Variants in FAM20A observed in about 807,000 individuals in gnomAD.
FAM20A encodes the protein FAM20A golgi associated secretory pathway pseudokinase.
In FAM20A, 42 loss-of-function variants were observed where a neutral mutation model predicts 52.0. The observed-to-expected ratio is 0.81, with a 90% CI of 0.63 to 1.04. FAM20A has a LOEUF of 1.04. FAM20A is among the 50% of genes least tolerant of loss of function. The probability of loss-of-function intolerance (pLI) is 0.00; values close to 1 mark genes in which losing one functional copy is unlikely to be tolerated. For missense variants in FAM20A, 742 were observed against 712.7 expected (o/e 1.04, Z -0.47); for synonymous variants, 304 against 298.9 (o/e 1.02, Z -0.18).
intron 1 of FAM20A, among the ~76,000 whole-genome samples, chr17:68,575,791 T>TATACACACACAC: frequency 9.6e-6 from 1 of 104,216 alleles, no homozygotes; most frequent in Non-Finnish European, 1.8e-5. Context: ...TTTTATATTA[T>TATACACACACAC]ACACACACAC....
At position 68,554,836 on chromosome 17, in the gene FAM20A, G is replaced by T. The variant is rs2087009299; in HGVS notation, c.590-9C>A. The T allele has an allele frequency of 6.2e-7, 1 of 1,614,094 alleles. No homozygotes were observed. The highest frequency in any genetic ancestry group is 1.3e-5 in the African/African-American group (1 of 75,028). Reference sequence around the variant, plus strand: ...CTCATCTTGACTGTAATCTGCAAAGGAGGAGAAGGGCAATGAGAACTTCCA... The same window carrying T: ...CTCATCTTGACTGTAATCTGCAAAGTAGGAGAAGGGCAATGAGAACTTCCA... On this transcript the variant is annotated splice_polypyrimidine_tract_variant and intron_variant, in intron 2 of 10. Transcript: ENST00000592554.
intron 1 of FAM20A, among the ~76,000 whole-genome samples, chr17:68,571,989 T>TACATATATATATATATA (rs1320410658): frequency 2.9e-4 from 2 of 6,956 alleles, no homozygotes; most frequent in African/African-American, 1.3e-3. Flanking sequence ...TATACATACA[T>TACATATATATATATATA]ATATATATAT....
intron 1 of FAM20A, among the ~76,000 whole-genome samples, chr17:68,558,625 C>G (rs1312566420): frequency 6.6e-6 from 1 of 152,248 alleles, no homozygotes; most frequent in Non-Finnish European, 1.5e-5. Flanking sequence ...GAGGCCCTCA[C>G]CAGAAGCAGC....
At chr17:68,579,197 G>A (rs914117165) in intron 1 of FAM20A, among the ~76,000 whole-genome samples, 3 of 152,144 alleles carry the variant, frequency 2.0e-5, no homozygotes, top group African/African-American at 7.2e-5. Context: ...GTGATCCAAT[G>A]TGCTGGGGAA....
chr17:68,537,284 C>A lies in FAM20A; in HGVS notation c.*193G>T. ...GGGAAAAACGGAGCAAGGCAACGCA[C>A]GACAGAAGCGGTGCACCAAGGAGTA... is the stretch of plus-strand genomic sequence containing the variant. On this transcript the variant is annotated 3_prime_UTR_variant, in exon 11 of 11. Coordinates refer to ENST00000592554, the MANE Select transcript of FAM20A (RefSeq NM_017565.4). The surrounding 1 kb of genome is among the most constrained non-coding windows in gnomAD (Gnocchi z 4.2). 1 of 777,564 alleles carries A rather than the reference C, an allele frequency of 1.3e-6. No individual in the cohort carries two copies. The highest frequency in any genetic ancestry group is 1.5e-5 in the South Asian group (1 of 68,292). 48.2% of individuals were successfully genotyped at this position (777,564 alleles called of 1,614,324 possible).
chr17:68,587,945 GT>G (rs1278883990), intron 1 of FAM20A, among the ~76,000 whole-genome samples: 5 of 152,150 alleles, frequency 3.3e-5, no homozygotes, highest in Non-Finnish European at 7.3e-5. Context: ...TTGTTTCTAC[GT>G]ATTATGTTGG....
rs1568744193 is a variant in FAM20A at position 68,555,658 on chromosome 17, A to G, written c.490T>C (p.Phe164Leu). ...CCATGGCGGTTAATACCCAGGTGGAACTGGACCCAGCTGGCCTCGAGTCGG... is the reference window on the plus strand; with the variant it reads ...CCATGGCGGTTAATACCCAGGTGGAGCTGGACCCAGCTGGCCTCGAGTCGG... ...QLRLEASWVQ[F>L]HLGINRHGLY... Residue 164 changes from phenylalanine (F) to leucine (L), a missense_variant, in exon 2 of 11, where the codon TTC (phenylalanine) becomes CTC (leucine). By Grantham distance (22) the Phe-to-Leu change is conservative. Coordinates refer to ENST00000592554, the MANE Select transcript of FAM20A (RefSeq NM_017565.4). The G allele has an allele frequency of 1.2e-6, 2 of 1,613,810 alleles. No individual in the cohort carries two copies. The highest frequency in any genetic ancestry group is 1.1e-5 in the South Asian group (1 of 91,044).
intron 4 of FAM20A, among the ~76,000 whole-genome samples, chr17:68,547,264 CATT>C (rs1032757555): frequency 1.3e-5 from 2 of 152,178 alleles, no homozygotes; most frequent in East Asian, 3.9e-4. Flanking sequence ...GAATCTTTAT[CATT>C]ATTATTATTA....
At chr17:68,581,422 CT>C (rs201460221) in intron 1 of FAM20A, among the ~76,000 whole-genome samples, 4 of 65,080 alleles carry the variant, frequency 6.1e-5, no homozygotes, top group African/African-American at 2.6e-4. Context: ...TTCTTTTTCT[CT>C]TTTCTTTCTT....
chr17:68,588,125 C>T (rs907318029), intron 1 of FAM20A, among the ~76,000 whole-genome samples: 7 of 145,634 alleles, frequency 4.8e-5, no homozygotes, highest in South Asian at 2.3e-4. Flanking sequence ...CAGCTTTTGA[C>T]GTAAAAAAAA....
At chr17:68,596,982 GTAACT>G (rs1379199142) in intron 1 of FAM20A, among the ~76,000 whole-genome samples, 1 of 152,136 alleles carries the variant, frequency 6.6e-6, no homozygotes, top group African/African-American at 2.4e-5. Flanking sequence ...CTTCCCATTT[GTAACT>G]TAACTACATG....
At chr17:68,570,848 G>A (rs1459900516) in intron 1 of FAM20A, among the ~76,000 whole-genome samples, 2 of 152,166 alleles carry the variant, frequency 1.3e-5, no homozygotes, top group African/African-American at 2.4e-5. Context: ...ATGAGAAATG[G>A]CACTCTTTCT....
rs927279806 is a variant in FAM20A, at chr17:68,536,283, T to C, written c.*1194A>G. 40 of 454,022 alleles carry C rather than the reference T, an allele frequency of 8.8e-5. No individual in the cohort carries two copies. The highest frequency in any genetic ancestry group is 1.5e-4 in the Non-Finnish European group (34 of 226,808). 28.1% of individuals were successfully genotyped at this position (454,022 alleles called of 1,614,324 possible). A position where few individuals can be genotyped will look rare whatever the true frequency, so the allele number is the denominator to read the frequency against. Reference sequence around the variant, plus strand: ...TGAACTCTGGCCTTTACTGGAAAAGTTGATTTGATGAAATGAGGCATTTTT... The same window carrying C: ...TGAACTCTGGCCTTTACTGGAAAAGCTGATTTGATGAAATGAGGCATTTTT... On this transcript the variant is annotated 3_prime_UTR_variant, in exon 11 of 11. Transcript: ENST00000592554.
In FAM20A at chr17:68,600,616, C is replaced by A; in HGVS notation, c.51G>T (p.Ala17=). 6.4e-7 allele frequency: 1 copy of A among 1,563,154 alleles called. No individual in the cohort carries two copies. Among genetic ancestry groups the A allele is most frequent in the South Asian group, 1.2e-5 (1 of 85,512 alleles). ...DRLLTLLLLG[A]LLSADLYFHL... is the part of the protein sequence containing the mutation. ...GGAAGTAGAGGTCGGCGGAGAGCAG[C>A]GCGCCCAGCAGCAGCAGAGTCAGTA... Residue 17 remains alanine, a synonymous_variant, in exon 1 of 11, where the codon GCG becomes GCT. Coordinates refer to ENST00000592554, the MANE Select transcript of FAM20A (RefSeq NM_017565.4). The surrounding 1 kb of genome is among the most constrained non-coding windows in gnomAD (Gnocchi z 6.2).
At chr17:68,574,279 G>A (rs1375276980) in intron 1 of FAM20A, among the ~76,000 whole-genome samples, 1 of 152,122 alleles carries the variant, frequency 6.6e-6, no homozygotes, top group East Asian at 1.9e-4. Flanking sequence ...TGCCCAGGCT[G>A]GTCTCAAACT....
At chr17:68,567,597 G>A (rs1041364644) in intron 1 of FAM20A, among the ~76,000 whole-genome samples, 1 of 151,986 alleles carries the variant, frequency 6.6e-6, no homozygotes, top group Non-Finnish European at 1.5e-5. Context: ...GCCAGACAAA[G>A]AAGTCCTAGT....
intron 1 of FAM20A, among the ~76,000 whole-genome samples, chr17:68,581,402 CTTTCTTTCTTTCTTTT>C (rs1219034433): frequency 3.5e-5 from 5 of 142,678 alleles, no homozygotes; most frequent in African/African-American, 1.3e-4. Flanking sequence ...TTCTTTCTTT[CTTTCTTTCTTTCTTTT>C]TCTCTTTTCT....
intron 1 of FAM20A, among the ~76,000 whole-genome samples, chr17:68,573,554 CCTCT>C (rs901103532): frequency 3.6e-5 from 5 of 137,334 alleles, no homozygotes; most frequent in Non-Finnish European, 7.7e-5. Context: ...CCTTTCTTTC[CCTCT>C]CTTTCTCTTT....
intron 6 of FAM20A, 35 bp downstream of exon 6, chr17:68,542,659 T>C: frequency 1.9e-6 from 3 of 1,539,202 alleles, no homozygotes; most frequent in Non-Finnish European, 2.7e-6. Context: ...TACGATCTAC[T>C]CAGACCCGGA....
Sources: gnomAD v4.1 joint callset for allele counts (sites outside exome capture counted in the v4.1 genomes callset) on GRCh38, gnomAD v4.1.1 for gene constraint, Gnocchi (gnomAD v3.1) non-coding constraint, MANE v1.5 for transcripts, NCBI Gene and HGNC (gene_info 2026-07-23, HGNC 2026-07-21) for gene names.